SKAP1: variants seen among roughly 807,000 people sequenced by gnomAD.
SKAP1 encodes src kinase-associated phosphoprotein 1.
SKAP1 carries 44 observed loss-of-function variants against 58.5 expected under a neutral mutation model. That is an observed-to-expected ratio of 0.75 (90% CI 0.59 to 0.97). The LOEUF (loss-of-function observed/expected upper bound fraction) is 0.97, where lower values mean the gene tolerates loss of function less well. Ranked by LOEUF, SKAP1 falls within the 50% of genes least tolerant of loss-of-function variation. The pLI, the probability that SKAP1 is intolerant of heterozygous loss-of-function variation, is 0.00. For missense variants in SKAP1, 390 were observed against 435.2 expected (o/e 0.90, Z 0.92); for synonymous variants, 127 against 149.7 (o/e 0.85, Z 1.11).
At chr17:48,264,103 C>G (rs1440781031) in intron 4 of SKAP1, among the ~76,000 whole-genome samples, 1 of 150,662 alleles carries the variant, frequency 6.6e-6, no homozygotes, top group Non-Finnish European at 1.5e-5. Flanking sequence ...TACAATTAGG[C>G]AAGATTATAT....
At chr17:48,362,920 A>G (rs1485179422) in intron 3 of SKAP1, among the ~76,000 whole-genome samples, 1 of 152,194 alleles carries the variant, frequency 6.6e-6, no homozygotes, top group Non-Finnish European at 1.5e-5. Context: ...TAGTTTATAA[A>G]GCTATTTGTA....
intron 2 of SKAP1, among the ~76,000 whole-genome samples, chr17:48,370,056 G>T (rs2067063109): frequency 6.6e-6 from 1 of 152,142 alleles, no homozygotes; most frequent in African/African-American, 2.4e-5. Context: ...TTCGTCTACA[G>T]ATATATTTCA....
chr17:48,285,332 C>T (rs2065816543), intron 4 of SKAP1, among the ~76,000 whole-genome samples: 1 of 152,110 alleles, frequency 6.6e-6, no homozygotes, highest in South Asian at 2.1e-4. Flanking sequence ...AAAAGGGAGC[C>T]CTGGCCGGGC....
intron 4 of SKAP1, among the ~76,000 whole-genome samples, chr17:48,274,423 A>G (rs9895123): frequency 0.33 from 50,466 of 150,964 alleles, 9,182 homozygotes; most frequent in African/African-American, 0.48. Flanking sequence ...TTGGCCGGGC[A>G]TGGTGGCTCA....
At chr17:48,161,117 G>C (rs1401154410) in intron 11 of SKAP1, among the ~76,000 whole-genome samples, 1 of 152,134 alleles carries the variant, frequency 6.6e-6, no homozygotes, top group African/African-American at 2.4e-5. Context: ...TGATTCTGTT[G>C]GAACCATAGA....
chr17:48,136,671 GTTAAT>G (rs1202962142), intron 12 of SKAP1: 2 of 113,000 alleles, frequency 1.8e-5, no homozygotes, highest in Admixed American at 2.5e-4. Context: ...ACATTTCTGT[GTTAAT>G]TTTTTTTTTT....
intron 11 of SKAP1, among the ~76,000 whole-genome samples, chr17:48,146,354 A>G (rs1022514590): frequency 9.9e-5 from 15 of 151,882 alleles, no homozygotes; most frequent in African/African-American, 3.6e-4. Flanking sequence ...TTAGCTGGGC[A>G]TGGTGGCGCA....
At chr17:48,373,515 A>T (rs536477868) in intron 2 of SKAP1, among the ~76,000 whole-genome samples, 4 of 152,086 alleles carry the variant, frequency 2.6e-5, no homozygotes, top group East Asian at 3.9e-4. Context: ...GTAATATATA[A>T]AAAAAAATAA....
At chr17:48,225,096 A>G (rs1419687096) in intron 4 of SKAP1, among the ~76,000 whole-genome samples, 3 of 152,218 alleles carry the variant, frequency 2.0e-5, no homozygotes, top group East Asian at 1.9e-4. Context: ...GTAAAGTGAA[A>G]TAGAATTTGT....
intron 4 of SKAP1, among the ~76,000 whole-genome samples, chr17:48,260,115 C>A (rs149419803): frequency 2.9e-3 from 434 of 151,794 alleles, no homozygotes; most frequent in African/African-American, 0.01. Context: ...GCATGGATGA[C>A]AAAATTAGAA....
chr17:48,434,476 A>T (rs2067931464), upstream of SKAP1, among the ~76,000 whole-genome samples: 1 of 152,008 alleles, frequency 6.6e-6, no homozygotes, highest in Admixed American at 6.6e-5. Flanking sequence ...TTATACACAC[A>T]CTCACACAAA....
intron 4 of SKAP1, among the ~76,000 whole-genome samples, chr17:48,222,637 A>T (rs908717814): frequency 3.3e-5 from 5 of 151,338 alleles, no homozygotes; most frequent in African/African-American, 9.7e-5. Context: ...CTGCCACCAC[A>T]CTTGGCTAAT....
intron 11 of SKAP1, among the ~76,000 whole-genome samples, chr17:48,150,877 C>T (rs993765563): frequency 6.6e-6 from 1 of 152,190 alleles, no homozygotes; most frequent in African/African-American, 2.4e-5. Flanking sequence ...CTGGAATCCA[C>T]GTCCAAGTTC....
chr17:48,334,317 T>C (rs1178498665), intron 4 of SKAP1, among the ~76,000 whole-genome samples: 3 of 152,010 alleles, frequency 2.0e-5, no homozygotes, highest in African/African-American at 7.2e-5. Context: ...ATAAGTATTC[T>C]AGAATGAACC....
At chr17:48,146,231 G>A (rs975749218) in intron 11 of SKAP1, among the ~76,000 whole-genome samples, 1 of 152,088 alleles carries the variant, frequency 6.6e-6, no homozygotes, top group African/African-American at 2.4e-5. Flanking sequence ...GGTGGCTCAC[G>A]CCTGTAATCC....
intron 2 of SKAP1, among the ~76,000 whole-genome samples, chr17:48,370,477 A>AT (rs1432988915): frequency 2.6e-5 from 4 of 151,890 alleles, no homozygotes; most frequent in Admixed American, 6.6e-5. Flanking sequence ...TAATTATTGT[A>AT]TTTTTTGTAG....
At chr17:48,278,145 A>G (rs999299603) in intron 4 of SKAP1, among the ~76,000 whole-genome samples, 4 of 152,190 alleles carry the variant, frequency 2.6e-5, no homozygotes, top group Non-Finnish European at 5.9e-5. Context: ...CTTTGTGCTA[A>G]CTTCTTTGTT....
At chr17:48,170,762 T>C (rs1172367485) in intron 9 of SKAP1, 103 bp from the exon 10 acceptor site, 16 of 1,010,040 alleles carry the variant, frequency 1.6e-5, no homozygotes, top group Non-Finnish European at 2.1e-5. Context: ...TAGGCTGAAG[T>C]GCAGTGGAAC....
chr17:48,400,601 T>G (rs891774946), intron 1 of SKAP1, among the ~76,000 whole-genome samples: 1 of 151,718 alleles, frequency 6.6e-6, no homozygotes, highest in Non-Finnish European at 1.5e-5. Flanking sequence ...AATACAAAAA[T>G]TAGCCAGGCA....
Sources: allele counts gnomAD v4.1 joint callset (sites outside exome capture counted in the v4.1 genomes callset), GRCh38; gene constraint gnomAD v4.1.1; transcripts MANE v1.5; gene names NCBI Gene and HGNC (gene_info 2026-07-23, HGNC 2026-07-21).